The following PGM3 variants were observed in gnomAD, a reference collection of about 807,000 sequenced individuals.
PGM3 encodes the protein phosphoglucomutase 3.
Under a neutral mutation model 66.2 loss-of-function variants are expected in PGM3, and 40 were observed. That is an observed-to-expected ratio of 0.60 (90% CI 0.47 to 0.79). The LOEUF is 0.79. Ranked by LOEUF, PGM3 falls within the 30% of genes least tolerant of loss-of-function variation. The pLI, the probability that PGM3 is intolerant of heterozygous loss-of-function variation, is 0.00. For synonymous variants in PGM3, 191 were observed against 224.2 expected, an observed-to-expected ratio of 0.85 and a Z score of 1.32; for missense variants, 537 against 643.4, an observed-to-expected ratio of 0.83 and a Z score of 1.79.
chr6:83,169,539 G>A, intron 12 of PGM3: 1 of 560,294 alleles, frequency 1.8e-6, no homozygotes, highest in Non-Finnish European at 3.2e-6. Flanking sequence ...AATAAGGTAA[G>A]TTTTTAATCA....
chr6:83,166,397 G>C lies in PGM3; in HGVS notation c.*2837C>G. The stretch of plus-strand genomic sequence containing the variant: ...AAACTTCTTGAGCCATCACGGCACT[G>C]TATGTTCATTAGCAGTTCCTGGGCC... On this transcript the variant is annotated 3_prime_UTR_variant, in exon 13 of 13. Coordinates refer to ENST00000513973, the MANE Select transcript of PGM3 (RefSeq NM_015599.3). 1 of 701,960 alleles carries C rather than the reference G, an allele frequency of 1.4e-6. No homozygotes were observed. Among genetic ancestry groups the C allele is most frequent in the South Asian group, 1.5e-5 (1 of 67,408 alleles). 43.5% of individuals were successfully genotyped at this position (701,960 alleles called of 1,614,324 possible).
Position 83,167,379 on chromosome 6 carries a change from T to C in PGM3, c.*1855A>G. On this transcript the variant is annotated 3_prime_UTR_variant, in exon 13 of 13. Coordinates refer to ENST00000513973, the MANE Select transcript of PGM3 (RefSeq NM_015599.3). ...AGTAATTATTCACTTTGGACACTGC[T>C]ACCATCATGGCAAATTTAGGCCATT... 1.0e-6 allele frequency: 1 copy of C among 984,762 alleles called. No homozygotes were observed. The highest frequency in any genetic ancestry group is 1.2e-6 in the Non-Finnish European group (1 of 829,220). 61.0% of individuals were successfully genotyped at this position (984,762 alleles called of 1,614,324 possible).
At chr6:83,176,269 G>A (rs1223696915) in intron 8 of PGM3, 3 of 461,526 alleles carry the variant, frequency 6.5e-6, no homozygotes, top group Non-Finnish European at 1.2e-5. Flanking sequence ...AAAGCACGGT[G>A]AGAGAGATGA....
chr6:83,153,903 T>C, the PGM3 span: 2 of 1,611,820 alleles, frequency 1.2e-6, no homozygotes, highest in Non-Finnish European at 1.7e-6. Context: ...GTGCACATAA[T>C]GCCCCTAGTT....
At chr6:83,189,471 A>G (rs1425844632) in intron 2 of PGM3, among the ~76,000 whole-genome samples, 1 of 152,210 alleles carries the variant, frequency 6.6e-6, no homozygotes, top group Admixed American at 6.5e-5. Context: ...TCAGTCAATC[A>G]ATTATGGTGA....
At position 83,166,996 on chromosome 6, in the gene PGM3, T is replaced by C. The variant is rs1195800835; in HGVS notation, c.*2238A>G. The C allele has an allele frequency of 1.0e-6, 1 of 985,776 alleles. No individual in the cohort carries two copies. The highest frequency in any genetic ancestry group is 1.1e-4 in the East Asian group (1 of 8,856). The allele number at this position is 985,776 out of a possible 1,614,324, so 61.1% of individuals were successfully genotyped here. A position where few individuals can be genotyped will look rare whatever the true frequency, so the allele number is the denominator to read the frequency against. ...GCCCAAGTTCAACCAACCTGTTCTC[T>C]CTTATCTTTCTCTAGACAGAATGAT... On this transcript the variant is annotated 3_prime_UTR_variant, in exon 13 of 13. Coordinates refer to ENST00000513973, the MANE Select transcript of PGM3 (RefSeq NM_015599.3).
the PGM3 span, chr6:83,153,480 A>G: frequency 6.9e-7 from 1 of 1,459,318 alleles, no homozygotes. Flanking sequence ...TTCACCTCAT[A>G]TGTTACTCTT....
downstream of PGM3, among the ~76,000 whole-genome samples, chr6:83,160,808 A>G (rs926835202): frequency 5.3e-5 from 8 of 152,190 alleles, no homozygotes; most frequent in South Asian, 2.1e-4. Context: ...TGGAACAGAA[A>G]TAATAGGATA....
At chr6:83,179,758 C>T in intron 7 of PGM3, 52 bp downstream of exon 7, 4 of 1,360,190 alleles carry the variant, frequency 2.9e-6, no homozygotes, top group Non-Finnish European at 4.0e-6. Flanking sequence ...AAATATGGAA[C>T]TATTTCACTA....
intron 9 of PGM3, among the ~76,000 whole-genome samples, chr6:83,175,596 C>A (rs1165870873): frequency 6.6e-6 from 1 of 152,106 alleles, no homozygotes; most frequent in Non-Finnish European, 1.5e-5. Flanking sequence ...ATTTTCATTT[C>A]TTATTAATTA....
At chr6:83,148,801 G>A in the PGM3 span, 1 of 1,562,974 alleles carries the variant, frequency 6.4e-7, no homozygotes, top group Non-Finnish European at 8.6e-7. Flanking sequence ...CGTCACTGTT[G>A]ATACTTCTGA....
rs1785838372 is a variant in PGM3, at chr6:83,166,900, CATG to C, written c.*2331_*2333del. On this transcript the variant is annotated 3_prime_UTR_variant, in exon 13 of 13. Coordinates refer to ENST00000513973, the MANE Select transcript of PGM3 (RefSeq NM_015599.3). The stretch of plus-strand genomic sequence containing the variant: ...ATTGTAATTCTGCTTCCTAAGTCTT[CATG>C]ATTTCTTCCTTCTGTCTAGTTCATT... 1 of 989,932 alleles carries C rather than the reference CATG, an allele frequency of 1.0e-6. No homozygotes were observed. The highest frequency in any genetic ancestry group is 1.7e-5 in the African/African-American group (1 of 57,320). 61.3% of individuals were successfully genotyped at this position (989,932 alleles called of 1,614,324 possible). A position where few individuals can be genotyped will look rare whatever the true frequency, so the allele number is the denominator to read the frequency against.
At chr6:83,191,978 AAAAAC>A (rs1163226553) in intron 1 of PGM3, among the ~76,000 whole-genome samples, 8 of 149,584 alleles carry the variant, frequency 5.3e-5, no homozygotes, top group Non-Finnish European at 1.0e-4. Flanking sequence ...AAAAAAAAAA[AAAAAC>A]AGGCCAGGTG....
rs1331646516 is a variant in PGM3 at position 83,168,984 on chromosome 6, T to C, written c.*250A>G. 7.9e-7 allele frequency: 1 copy of C among 1,262,382 alleles called. No individual in the cohort carries two copies. Among genetic ancestry groups the C allele is most frequent in the Non-Finnish European group, 1.0e-6 (1 of 997,690 alleles). The allele number at this position is 1,262,382 out of a possible 1,614,324, so 78.2% of individuals were successfully genotyped here. On this transcript the variant is annotated 3_prime_UTR_variant, in exon 13 of 13. Coordinates refer to ENST00000513973, the MANE Select transcript of PGM3 (RefSeq NM_015599.3). ...TAAAACTGTACAGTTAGTGACTGAATTGTATACTTAAGTCCCAGTATTTTA... is the reference window on the plus strand; with the variant it reads ...TAAAACTGTACAGTTAGTGACTGAACTGTATACTTAAGTCCCAGTATTTTA...
chr6:83,159,811 T>C, downstream of PGM3: 4 of 1,614,168 alleles, frequency 2.5e-6, no homozygotes, highest in Non-Finnish European at 3.4e-6. Flanking sequence ...CAGGGCCCTC[T>C]GTGGCTGGTC....
chr6:83,157,708 A>G (rs138047777), downstream of PGM3, among the ~76,000 whole-genome samples: 1 of 152,314 alleles, frequency 6.6e-6, no homozygotes, highest in African/African-American at 2.4e-5. Flanking sequence ...CTGCTCTGAC[A>G]TATTACATAT....
intron 4 of PGM3, among the ~76,000 whole-genome samples, chr6:83,185,076 G>C (rs1788473114): frequency 6.6e-6 from 1 of 152,202 alleles, no homozygotes; most frequent in African/African-American, 2.4e-5. Flanking sequence ...TCTAGCGACA[G>C]AATGAAAATG....
downstream of PGM3, among the ~76,000 whole-genome samples, chr6:83,160,126 A>C (rs1783885510): frequency 6.6e-6 from 1 of 152,226 alleles, no homozygotes. Context: ...GTAAATGGTC[A>C]ATGTGGATAT....
At chr6:83,170,154 T>C in intron 12 of PGM3, 151 bp downstream of exon 12, 1 of 657,388 alleles carries the variant, frequency 1.5e-6, no homozygotes, top group South Asian at 2.2e-5. Context: ...TTACTGCTGG[T>C]GAAAATAATT....
Sources: gnomAD v4.1 joint callset for allele counts (sites outside exome capture counted in the v4.1 genomes callset) on GRCh38, gnomAD v4.1.1 for gene constraint, MANE v1.5 for transcripts, NCBI Gene and HGNC (gene_info 2026-07-23, HGNC 2026-07-21) for gene names.